The following MSI2 variants were observed in gnomAD, a reference collection of about 807,000 sequenced individuals.
MSI2 encodes the protein musashi RNA binding protein 2, also known as RNA-binding protein Musashi homolog 2.
MSI2 carries 17 observed loss-of-function variants against 45.6 expected under a neutral mutation model. The ratio of observed to expected loss-of-function variants is 0.37; its 90% CI spans 0.26 to 0.56. The LOEUF (loss-of-function observed/expected upper bound fraction) is 0.56. MSI2 is among the 20% of genes least tolerant of loss of function. MSI2 has a pLI of 0.77. For missense variants in MSI2, 293 were observed against 444.2 expected (o/e 0.66, Z 3.06); for synonymous variants, 156 against 158.2 (o/e 0.99, Z 0.11).
intron 6 of MSI2, among the ~76,000 whole-genome samples, chr17:57,454,123 C>G (rs544520694): frequency 6.6e-6 from 1 of 152,326 alleles, no homozygotes; most frequent in South Asian, 2.1e-4. Flanking sequence ...AGGACTGGCT[C>G]GCTCCAGGAG....
At chr17:57,630,955 C>T (rs1909312320) in intron 10 of MSI2, 1 of 152,306 alleles carries the variant, frequency 6.6e-6, no homozygotes, top group African/African-American at 2.4e-5. Context: ...GCCCTCTCCT[C>T]ATCCCCATCA....
intron 5 of MSI2, among the ~76,000 whole-genome samples, chr17:57,339,760 G>A (rs915052334): frequency 1.3e-5 from 2 of 152,074 alleles, no homozygotes; most frequent in African/African-American, 2.4e-5. Context: ...GTCTCCACCC[G>A]TGAGTCTCCA....
At chr17:57,502,139 G>A (rs1387022897) in intron 6 of MSI2, among the ~76,000 whole-genome samples, 1 of 152,132 alleles carries the variant, frequency 6.6e-6, no homozygotes, top group African/African-American at 2.4e-5. Flanking sequence ...GACCCCAGGG[G>A]AGAGAGAATG....
At chr17:57,296,363 A>G (rs773889037) in intron 5 of MSI2, among the ~76,000 whole-genome samples, 1 of 152,160 alleles carries the variant, frequency 6.6e-6, no homozygotes, top group Non-Finnish European at 1.5e-5. Flanking sequence ...AACATAAATT[A>G]CTTTTAAATA....
intron 7 of MSI2, among the ~76,000 whole-genome samples, chr17:57,534,515 C>T (rs1191318106): frequency 3.9e-5 from 6 of 152,130 alleles, no homozygotes; most frequent in Non-Finnish European, 8.8e-5. Context: ...AGTTCAAGAC[C>T]AGCCTGGCCA....
chr17:57,331,813 C>G lies in MSI2; in HGVS notation c.313-69566C>G, dbSNP rs558070180. Among the ~76,000 whole-genome samples, 180 of 152,238 alleles carry G rather than the reference C, an allele frequency of 1.2e-3. 1 individual carries two copies. Among genetic ancestry groups the G allele is most frequent in the African/African-American group, 4.2e-3 (176 of 41,542 alleles). On this transcript the variant is annotated intron_variant, in intron 5 of 13. Coordinates refer to ENST00000284073, the MANE Select transcript of MSI2 (RefSeq NM_138962.4). ...AATTTTTTTTAAATATTAAACTTCT[C>G]TCTATTTTGTAAGTTTACACCAGTA...
At chr17:57,580,301 C>T (rs747258053) in intron 7 of MSI2, among the ~76,000 whole-genome samples, 31 of 152,332 alleles carry the variant, frequency 2.0e-4, no homozygotes, top group South Asian at 2.1e-4. Context: ...CAAAGTTTAT[C>T]GATGAAGGCT....
intron 10 of MSI2, among the ~76,000 whole-genome samples, chr17:57,635,267 C>T (rs184469671): frequency 6.6e-6 from 1 of 152,346 alleles, no homozygotes; most frequent in Admixed American, 6.5e-5. Flanking sequence ...CCCCAAAGCA[C>T]GTGAAGTACT....
At chr17:57,281,653 A>T (rs1909427811) in intron 5 of MSI2, among the ~76,000 whole-genome samples, 1 of 152,132 alleles carries the variant, frequency 6.6e-6, no homozygotes, top group Non-Finnish European at 1.5e-5. Flanking sequence ...ACTGCGTTTC[A>T]GTTTTCCACG....
intron 5 of MSI2, among the ~76,000 whole-genome samples, chr17:57,355,441 A>G (rs1344637499): frequency 6.6e-6 from 1 of 152,222 alleles, no homozygotes; most frequent in Non-Finnish European, 1.5e-5. Flanking sequence ...CTGAACAGAC[A>G]CAACAGTGTA....
intron 10 of MSI2, among the ~76,000 whole-genome samples, chr17:57,636,198 A>C (rs956463335): frequency 2.0e-5 from 3 of 151,470 alleles, no homozygotes; most frequent in Non-Finnish European, 4.4e-5. Flanking sequence ...TGGAAATCAG[A>C]GTGAAGGGGT....
intron 6 of MSI2, among the ~76,000 whole-genome samples, chr17:57,461,107 C>T (rs78498318): frequency 0.032 from 4,933 of 152,252 alleles, 271 homozygotes; most frequent in African/African-American, 0.11. Flanking sequence ...TGGGCATTGG[C>T]AACACCCTTC....
At chr17:57,400,502 T>C (rs1448692922) in intron 5 of MSI2, among the ~76,000 whole-genome samples, 5 of 152,062 alleles carry the variant, frequency 3.3e-5, no homozygotes, top group African/African-American at 9.7e-5. Flanking sequence ...GTGCCTGGCC[T>C]GGTGGAGGAT....
At chr17:57,649,426 T>TACAC (rs145466877) in intron 10 of MSI2, among the ~76,000 whole-genome samples, 1 of 146,750 alleles carries the variant, frequency 6.8e-6, no homozygotes, top group Admixed American at 6.8e-5. Flanking sequence ...ACACATTCAA[T>TACAC]ACACACACAC....
At chr17:57,281,064 T>C (rs1909375705) in intron 5 of MSI2, among the ~76,000 whole-genome samples, 1 of 151,954 alleles carries the variant, frequency 6.6e-6, no homozygotes, top group South Asian at 2.1e-4. Flanking sequence ...GGACATGAAA[T>C]TGTGGCATAA....
chr17:57,287,505 T>C (rs1326554920), intron 5 of MSI2, among the ~76,000 whole-genome samples: 1 of 152,192 alleles, frequency 6.6e-6, no homozygotes, highest in East Asian at 1.9e-4. Context: ...GAGTCTTGCA[T>C]GTTGACTCTC....
chr17:57,576,218 G>T lies in MSI2; in HGVS notation c.455-20650G>T, dbSNP rs145098463. Among the ~76,000 whole-genome samples, 191 of 152,292 alleles carry T rather than the reference G, an allele frequency of 1.3e-3. 1 individual carries two copies. Among genetic ancestry groups the T allele is most frequent in the African/African-American group, 3.9e-3 (163 of 41,558 alleles). ...GATATGGTGGTGAACAAAACCAACA[G>T]CAGTCCTGGAGCTCAGGCTCAACAA... On this transcript the variant is annotated intron_variant, in intron 7 of 13. Coordinates refer to ENST00000284073, the MANE Select transcript of MSI2 (RefSeq NM_138962.4).
chr17:57,586,065 C>A (rs940289893), intron 7 of MSI2, among the ~76,000 whole-genome samples: 1 of 152,220 alleles, frequency 6.6e-6, no homozygotes, highest in African/African-American at 2.4e-5. Flanking sequence ...TCGCCAAGAA[C>A]TATTTTCCCG....
At chr17:57,336,763 T>C (rs922792470) in intron 5 of MSI2, among the ~76,000 whole-genome samples, 1 of 152,218 alleles carries the variant, frequency 6.6e-6, no homozygotes, top group Admixed American at 6.5e-5. Flanking sequence ...TGCGAGGAAC[T>C]AAAATGTGTG....
Sources: allele counts gnomAD v4.1 joint callset (sites outside exome capture counted in the v4.1 genomes callset), GRCh38; gene constraint gnomAD v4.1.1; transcripts MANE v1.5; gene names NCBI Gene and HGNC (gene_info 2026-07-23, HGNC 2026-07-21).